PDE3A: variants seen among roughly 807,000 people sequenced by gnomAD.
PDE3A encodes the protein phosphodiesterase 3A.
PDE3A carries 43 observed loss-of-function variants against 98.3 expected under a neutral mutation model. The observed-to-expected ratio is 0.44, with a 90% CI of 0.34 to 0.56. The LOEUF is 0.56. Among genes scored for constraint, PDE3A ranks in the 20% least tolerant of loss-of-function variants. PDE3A has a pLI of 0.01. For synonymous variants in PDE3A, 663 were observed against 567.9 expected (o/e 1.17, Z -2.38); for missense variants, 1,427 against 1,440.7 (o/e 0.99, Z 0.15).
intron 5 of PDE3A, among the ~76,000 whole-genome samples, chr12:20,627,201 A>G (rs1381512479): frequency 2.7e-5 from 4 of 150,926 alleles, no homozygotes; most frequent in Non-Finnish European, 5.9e-5. Context: ...ACAGTTTACT[A>G]TGAGAACAGC....
At chr12:20,375,770 A>G (rs1407022545) in intron 1 of PDE3A, among the ~76,000 whole-genome samples, 2 of 151,986 alleles carry the variant, frequency 1.3e-5, no homozygotes, top group Non-Finnish European at 2.9e-5. Context: ...AGAAGTGAAC[A>G]TAAGAAAAAG....
chr12:20,679,216 G>T (rs1162808383), intron 15 of PDE3A, among the ~76,000 whole-genome samples: 1 of 152,102 alleles, frequency 6.6e-6, no homozygotes, highest in Non-Finnish European at 1.5e-5. Context: ...GAGTAGTTAA[G>T]TGTAGTTAAC....
chr12:20,583,413 C>CCTAT (rs1222261092), intron 2 of PDE3A, among the ~76,000 whole-genome samples: 4 of 151,888 alleles, frequency 2.6e-5, no homozygotes, highest in African/African-American at 9.7e-5. Context: ...TTTCATTTGC[C>CCTAT]CTATCTTAAT....
At chr12:20,629,676 G>A (rs1199044689) in intron 5 of PDE3A, among the ~76,000 whole-genome samples, 2 of 152,122 alleles carry the variant, frequency 1.3e-5, no homozygotes, top group Non-Finnish European at 2.9e-5. Flanking sequence ...TTGGCTGTAT[G>A]TGCCAACATT....
chr12:20,680,330 G>C lies in PDE3A; in HGVS notation c.*59G>C. 1 of 1,567,594 alleles carries C rather than the reference G, an allele frequency of 6.4e-7. No homozygotes were observed. The highest frequency in any genetic ancestry group is 8.7e-7 in the Non-Finnish European group (1 of 1,146,788). On this transcript the variant is annotated 3_prime_UTR_variant, in exon 16 of 16. Coordinates refer to ENST00000359062, the MANE Select transcript of PDE3A (RefSeq NM_000921.5). Reference sequence around the variant, plus strand: ...TTGACTTGTCAAAGACTCTCTTCAAGCCAGCACAACATTTAGACACAACAC... The same window carrying C: ...TTGACTTGTCAAAGACTCTCTTCAACCCAGCACAACATTTAGACACAACAC...
At chr12:20,377,042 G>T (rs1415851134) in intron 1 of PDE3A, among the ~76,000 whole-genome samples, 1 of 151,654 alleles carries the variant, frequency 6.6e-6, no homozygotes, top group Non-Finnish European at 1.5e-5. Context: ...TGGTTACAGG[G>T]GGCACATATT....
chr12:20,462,049 C>T (rs1305975181), intron 1 of PDE3A, among the ~76,000 whole-genome samples: 1 of 152,150 alleles, frequency 6.6e-6, no homozygotes, highest in Non-Finnish European at 1.5e-5. Context: ...ATAGAGTTGG[C>T]ACCACCAAAC....
intron 13 of PDE3A, among the ~76,000 whole-genome samples, chr12:20,650,049 T>C (rs1944879965): frequency 6.6e-6 from 1 of 152,216 alleles, no homozygotes; most frequent in African/African-American, 2.4e-5. Context: ...TATATATATT[T>C]ATGGGTTACA....
chr12:20,630,762 T>C (rs1483919264), intron 6 of PDE3A, among the ~76,000 whole-genome samples: 6 of 152,210 alleles, frequency 3.9e-5, no homozygotes, highest in East Asian at 3.8e-4. Context: ...TATCTCTTCT[T>C]ACTGGTTAAT....
At chr12:20,600,454 C>T (rs1288706555) in intron 2 of PDE3A, among the ~76,000 whole-genome samples, 1 of 152,144 alleles carries the variant, frequency 6.6e-6, no homozygotes, top group African/African-American at 2.4e-5. Flanking sequence ...GAATATGGCT[C>T]ATATTCCTGC....
chr12:20,598,193 A>ATTATTT (rs1449164310), intron 2 of PDE3A, among the ~76,000 whole-genome samples: 8 of 151,182 alleles, frequency 5.3e-5, no homozygotes, highest in Non-Finnish European at 1.2e-4. Flanking sequence ...TATTATTATT[A>ATTATTT]TTATTTTGAG....
rs914710089 is a variant in PDE3A, at chr12:20,370,097, G to A, written c.813G>A (p.Leu271=). 8 of 1,613,170 alleles carry A rather than the reference G, an allele frequency of 5.0e-6. No homozygotes were observed. Among genetic ancestry groups the A allele is most frequent in the Non-Finnish European group, 6.8e-6 (8 of 1,179,832 alleles). ...CGGAGGCGGCTCCAAGGGAGCATTT[G>A]GGGTCCCAGCTGATTGCTGGGACCA... The part of the protein sequence containing the change: ...QSAEAAPREH[L]GSQLIAGTKE... The change falls in exon 1 of 16, where the codon TTG becomes TTA. Residue 271 remains leucine (L), a synonymous_variant. Coordinates refer to ENST00000359062, the MANE Select transcript of PDE3A (RefSeq NM_000921.5).
chr12:20,577,686 TA>T (rs1942968826), intron 2 of PDE3A, among the ~76,000 whole-genome samples: 1 of 152,166 alleles, frequency 6.6e-6, no homozygotes, highest in Admixed American at 6.5e-5. Context: ...TTGCTAATTT[TA>T]AAAAAGAATG....
chr12:20,562,431 C>T (rs1369060739), intron 2 of PDE3A, among the ~76,000 whole-genome samples: 1 of 151,722 alleles, frequency 6.6e-6, no homozygotes, highest in Non-Finnish European at 1.5e-5. Flanking sequence ...TTTTGGCCAG[C>T]ATGATTTCGA....
At chr12:20,387,991 T>C (rs999074838) in intron 1 of PDE3A, among the ~76,000 whole-genome samples, 1 of 152,010 alleles carries the variant, frequency 6.6e-6, no homozygotes, top group Non-Finnish European at 1.5e-5. Context: ...ATATCTTTTT[T>C]CTGTATTTTG....
At chr12:20,430,169 G>A (rs1467309581) in intron 1 of PDE3A, among the ~76,000 whole-genome samples, 1 of 152,058 alleles carries the variant, frequency 6.6e-6, no homozygotes, top group Non-Finnish European at 1.5e-5. Flanking sequence ...CTCCTTCAAG[G>A]TGACTCTACT....
chr12:20,383,321 T>C (rs1223853206), intron 1 of PDE3A, among the ~76,000 whole-genome samples: 5 of 151,962 alleles, frequency 3.3e-5, no homozygotes, highest in Non-Finnish European at 7.4e-5. Flanking sequence ...AAAATATCAG[T>C]CATTCCCAAC....
intron 2 of PDE3A, chr12:20,556,916 T>C: frequency 3.3e-6 from 2 of 612,980 alleles, no homozygotes; most frequent in Non-Finnish European, 5.8e-6. Flanking sequence ...AAGAGCTTTC[T>C]GGTATCCCAG....
chr12:20,620,179 A>T (rs1402038897), intron 4 of PDE3A, among the ~76,000 whole-genome samples: 2 of 151,988 alleles, frequency 1.3e-5, no homozygotes, highest in African/African-American at 4.8e-5. Flanking sequence ...TTATATGGCA[A>T]TCTCCATGCA....
Sources: allele counts gnomAD v4.1 joint callset (sites outside exome capture counted in the v4.1 genomes callset), GRCh38; gene constraint gnomAD v4.1.1; transcripts MANE v1.5; gene names NCBI Gene and HGNC (gene_info 2026-07-23, HGNC 2026-07-21).